The following WLS variants were observed in gnomAD, a reference collection of about 807,000 sequenced individuals.
The protein encoded by WLS is Wnt ligand secretion mediator, also known as protein wntless homolog.
WLS carries 23 observed loss-of-function variants against 62.8 expected under a neutral mutation model. The observed-to-expected ratio is 0.37, with a 90% confidence interval of 0.26 to 0.52. The LOEUF (loss-of-function observed/expected upper bound fraction) is 0.52. WLS is among the 20% of genes least tolerant of loss of function. The pLI, the probability that WLS is intolerant of heterozygous loss-of-function variation, is 0.92. For missense variants in WLS, 615 were observed against 697.3 expected, an observed-to-expected ratio of 0.88 and a Z score of 1.33; for synonymous variants, 246 against 244.1, an observed-to-expected ratio of 1.01 and a Z score of -0.07.
At chr1:68,148,313 C>A in intron 7 of WLS, 114 bp from the exon 8 acceptor site, 1 of 1,147,878 alleles carries the variant, frequency 8.7e-7, no homozygotes, top group Non-Finnish European at 1.3e-6. Context: ...TGTATTTAGG[C>A]TAAAAAACAT....
At chr1:68,222,231 A>G (rs939209485) in intron 1 of WLS, among the ~76,000 whole-genome samples, 2 of 152,142 alleles carry the variant, frequency 1.3e-5, no homozygotes, top group South Asian at 2.1e-4. Context: ...TGTGTTTTTT[A>G]GAGTTTTAAA....
chr1:68,111,655 C>T (rs1181839172), intron 11 of WLS, among the ~76,000 whole-genome samples: 1 of 152,172 alleles, frequency 6.6e-6, no homozygotes, highest in Non-Finnish European at 1.5e-5. Context: ...GAGCCCTTTA[C>T]ATCTCTCTAC....
At chr1:68,211,592 G>A (rs970664110) in intron 1 of WLS, among the ~76,000 whole-genome samples, 11 of 152,194 alleles carry the variant, frequency 7.2e-5, no homozygotes, top group South Asian at 2.1e-4. Context: ...GCCCAAGGTC[G>A]TTCAGTAAAT....
chr1:68,161,343 C>G (rs1178508357), intron 2 of WLS, among the ~76,000 whole-genome samples: 5 of 152,172 alleles, frequency 3.3e-5, no homozygotes, highest in Admixed American at 1.3e-4. Flanking sequence ...CCCCTGTAGA[C>G]TTAAGGGACT....
intron 11 of WLS, among the ~76,000 whole-genome samples, chr1:68,130,488 A>G (rs773600076): frequency 7.9e-5 from 12 of 152,108 alleles, no homozygotes; most frequent in Non-Finnish European, 1.8e-4. Flanking sequence ...AACATTCATG[A>G]CCTATCCTTT....
chr1:68,172,745 C>T (rs978095842), intron 2 of WLS, among the ~76,000 whole-genome samples: 11 of 152,004 alleles, frequency 7.2e-5, no homozygotes, highest in African/African-American at 2.7e-4. Context: ...CACTAGGCAG[C>T]GAGATAGGAA....
chr1:68,192,359 G>A (rs975576566), intron 2 of WLS, among the ~76,000 whole-genome samples: 2 of 152,052 alleles, frequency 1.3e-5, no homozygotes, highest in African/African-American at 4.8e-5. Flanking sequence ...GCTCACAGCT[G>A]TAAACCAAAA....
At chr1:68,154,446 C>T (rs1015923936) in intron 4 of WLS, among the ~76,000 whole-genome samples, 44 of 152,254 alleles carry the variant, frequency 2.9e-4, no homozygotes, top group African/African-American at 8.9e-4. Context: ...ATTTATATTA[C>T]ATTCACCAAT....
At chr1:68,117,526 A>T (rs1646307933) in intron 11 of WLS, 1 of 152,204 alleles carries the variant, frequency 6.6e-6, no homozygotes, top group Non-Finnish European at 1.5e-5. Flanking sequence ...TTTCCTCTGC[A>T]CTGTGGCACA....
intron 3 of WLS, among the ~76,000 whole-genome samples, chr1:68,156,569 C>A (rs1646902920): frequency 6.6e-6 from 1 of 152,144 alleles, no homozygotes; most frequent in Admixed American, 6.5e-5. Context: ...GTGCTTCTAC[C>A]TCCTCTTGCC....
chr1:68,119,601 C>T (rs1334161117), intron 11 of WLS, among the ~76,000 whole-genome samples: 2 of 152,212 alleles, frequency 1.3e-5, no homozygotes, highest in African/African-American at 4.8e-5. Flanking sequence ...GCATGTTCCT[C>T]ACAGCTTGAC....
At chr1:68,152,599 C>T (rs1646841872) in intron 5 of WLS, among the ~76,000 whole-genome samples, 1 of 152,066 alleles carries the variant, frequency 6.6e-6, no homozygotes, top group African/African-American at 2.4e-5. Context: ...GTTGGTGATC[C>T]CGTGAAAAGC....
At chr1:68,122,258 G>A (rs984316329), downstream of WLS, among the ~76,000 whole-genome samples, 1 of 152,188 alleles carries the variant, frequency 6.6e-6, no homozygotes, top group African/African-American at 2.4e-5. Flanking sequence ...CATTTCTCTT[G>A]AACTTCTCAA....
At chr1:68,154,857 TATC>T (rs1282120591) in intron 4 of WLS, among the ~76,000 whole-genome samples, 1 of 152,228 alleles carries the variant, frequency 6.6e-6, no homozygotes, top group East Asian at 1.9e-4. Flanking sequence ...TTCATGATCT[TATC>T]ATCATTGTAA....
At chr1:68,119,475 C>T (rs899832058) in intron 11 of WLS, among the ~76,000 whole-genome samples, 7 of 152,344 alleles carry the variant, frequency 4.6e-5, no homozygotes, top group African/African-American at 1.7e-4. Flanking sequence ...CCATATTCCT[C>T]AAGCTGGCCC....
intron 1 of WLS, among the ~76,000 whole-genome samples, chr1:68,225,691 ACTT>A (rs1650113652): frequency 6.6e-6 from 1 of 152,134 alleles, no homozygotes; most frequent in Non-Finnish European, 1.5e-5. Context: ...TACAAACAAA[ACTT>A]CTCCGCATGG....
intron 2 of WLS, among the ~76,000 whole-genome samples, chr1:68,181,445 G>A (rs1647564014): frequency 6.6e-6 from 1 of 152,196 alleles, no homozygotes; most frequent in Non-Finnish European, 1.5e-5. Flanking sequence ...ATCTGCAGCT[G>A]TGGCACTATA....
chr1:68,137,436 A>G (rs368186894), intron 11 of WLS, among the ~76,000 whole-genome samples: 24 of 152,318 alleles, frequency 1.6e-4, no homozygotes, highest in African/African-American at 5.8e-4. Flanking sequence ...CTCAAATGGG[A>G]AGAATAAACA....
At chr1:68,136,196 C>T (rs1436923413) in intron 11 of WLS, among the ~76,000 whole-genome samples, 1 of 152,194 alleles carries the variant, frequency 6.6e-6, no homozygotes, top group Non-Finnish European at 1.5e-5. Flanking sequence ...TTCATCTCAT[C>T]TCTCAAGTAA....
Sources: allele counts gnomAD v4.1 joint callset (sites outside exome capture counted in the v4.1 genomes callset), GRCh38; gene constraint gnomAD v4.1.1; transcripts MANE v1.5; gene names NCBI Gene and HGNC (gene_info 2026-07-23, HGNC 2026-07-21).